The following FXYD6 variants were observed in gnomAD, a reference collection of about 807,000 sequenced individuals.
FXYD6 encodes the protein FXYD domain containing ion transport regulator 6.
In FXYD6, 7 loss-of-function variants were observed where a neutral mutation model predicts 16.7. The observed-to-expected ratio is 0.42, with a 90% confidence interval of 0.24 to 0.79. The LOEUF (loss-of-function observed/expected upper bound fraction) is 0.79. Among genes scored for constraint, FXYD6 ranks in the 30% least tolerant of loss-of-function variants. The pLI, the probability that FXYD6 is intolerant of heterozygous loss-of-function variation, is 0.28. For missense variants in FXYD6, 111 were observed against 116.2 expected, an observed-to-expected ratio of 0.95 and a Z score of 0.21; for synonymous variants, 49 against 43.0, an observed-to-expected ratio of 1.14 and a Z score of -0.54.
rs185606389 is a variant in FXYD6, at chr11:117,864,875, G to A, written c.-6+11717C>T. ...GCTGGGATTACAGACATGGGTCACC[G>A]CGTCTGGCCGAAAAATTGGACTTTA... On this transcript the variant is annotated intron_variant, in intron 1 of 7. Coordinates refer to ENST00000526014, the MANE Select transcript of FXYD6 (RefSeq NM_022003.4). Among the ~76,000 whole-genome samples the A allele has an allele frequency of 8.5e-5, 13 of 152,270 alleles. No homozygotes were observed. The East Asian group carries it at 1.5e-3, about 18-fold the overall frequency.
chr11:117,865,560 G>A (rs1217687695), intron 1 of FXYD6, among the ~76,000 whole-genome samples: 1 of 152,188 alleles, frequency 6.6e-6, no homozygotes, highest in African/African-American at 2.4e-5. Context: ...TCCAACACAT[G>A]CATGAATCTT....
chr11:117,863,360 C>T (rs753194365), intron 1 of FXYD6, among the ~76,000 whole-genome samples: 1 of 151,946 alleles, frequency 6.6e-6, no homozygotes, highest in Non-Finnish European at 1.5e-5. Flanking sequence ...AAAAACCACA[C>T]GATCATCTCA....
chr11:117,853,540 C>G (rs1201587859), intron 1 of FXYD6, among the ~76,000 whole-genome samples: 1 of 152,232 alleles, frequency 6.6e-6, no homozygotes, highest in Non-Finnish European at 1.5e-5. Flanking sequence ...CTGTGTCACT[C>G]AGGCTGGAGT....
rs1359936777 is a variant in FXYD6, at chr11:117,837,913, G to A, written c.*386C>T. The A allele has an allele frequency of 2.4e-6, 1 of 422,886 alleles. No homozygotes were observed. 26.2% of individuals were successfully genotyped at this position (422,886 alleles called of 1,614,324 possible). A position where few individuals can be genotyped will look rare whatever the true frequency, so the allele number is the denominator to read the frequency against. On this transcript the variant is annotated 3_prime_UTR_variant, in exon 8 of 8. Transcript: ENST00000526014. This position sits in a 1 kb window ranked among gnomAD's most constrained non-coding sequence, Gnocchi z 4.4. ...GCAGAAGGTGATGGAGGGCCACGGGGGCAGGGAGGAGCAGATGGCCATGTG... is the reference window on the plus strand; with the variant it reads ...GCAGAAGGTGATGGAGGGCCACGGGAGCAGGGAGGAGCAGATGGCCATGTG...
At position 117,858,691 on chromosome 11, in the gene FXYD6, CTT is replaced by C. The variant is rs1239062931; in HGVS notation, c.-5-15912_-5-15911del. Reference sequence around the variant, plus strand: ...TCTTTCTTTCTTTCTTTCTTTCTTTCTTTCTTTCTTTCTCTCTCTCTCTCCTT... The same window carrying C: ...TCTTTCTTTCTTTCTTTCTTTCTTTCTCTTTCTTTCTCTCTCTCTCTCCTT... On this transcript the variant is annotated intron_variant, in intron 1 of 7. Transcript: ENST00000526014. Among the ~76,000 whole-genome samples, 77 of 87,990 alleles carry C rather than the reference CTT, an allele frequency of 8.8e-4. 1 individual carries two copies. Among genetic ancestry groups the C allele is most frequent in the East Asian group, 4.0e-3 (8 of 1,988 alleles). The allele number at this position is 87,990 out of a possible 152,430, so 57.7% of individuals were successfully genotyped here. A position where few individuals can be genotyped will look rare whatever the true frequency, so the allele number is the denominator to read the frequency against.
intron 1 of FXYD6, among the ~76,000 whole-genome samples, chr11:117,867,996 T>A (rs910522512): frequency 6.6e-6 from 1 of 152,182 alleles, no homozygotes; most frequent in Admixed American, 6.5e-5. Context: ...GCAGCCAAGG[T>A]TAATAAATGC....
chr11:117,874,200 T>A (rs1309060320), intron 1 of FXYD6, among the ~76,000 whole-genome samples: 1 of 152,206 alleles, frequency 6.6e-6, no homozygotes, highest in East Asian at 1.9e-4. Flanking sequence ...CTCACCTTCA[T>A]GTCCCCAGCA....
chr11:117,841,645 C>T, intron 4 of FXYD6, 146 bp downstream of exon 4: 1 of 794,680 alleles, frequency 1.3e-6, no homozygotes, highest in Non-Finnish European at 2.1e-6. Flanking sequence ...GTGCCCAGCA[C>T]TCTACTGGGT....
chr11:117,858,675 CTTTCTTTCTT>C (rs2056808311), intron 1 of FXYD6, among the ~76,000 whole-genome samples: 1 of 86,156 alleles, frequency 1.2e-5, no homozygotes, highest in Admixed American at 1.4e-4. Flanking sequence ...TTCTTTCTTT[CTTTCTTTCTT>C]TCTTTCTTTC....
At chr11:117,871,463 T>C (rs1331590786) in intron 1 of FXYD6, among the ~76,000 whole-genome samples, 1 of 88,144 alleles carries the variant, frequency 1.1e-5, no homozygotes, top group Non-Finnish European at 2.2e-5. Context: ...GCGGGCGGGG[T>C]GGGAGGCGGG....
intron 1 of FXYD6, among the ~76,000 whole-genome samples, chr11:117,858,005 A>T (rs567740342): frequency 2.6e-4 from 39 of 152,258 alleles, no homozygotes; most frequent in Non-Finnish European, 3.4e-4. Flanking sequence ...AATGTGTTTT[A>T]TTTTTATGGG....
At chr11:117,846,742 A>G (rs2056479543) in intron 1 of FXYD6, among the ~76,000 whole-genome samples, 1 of 152,222 alleles carries the variant, frequency 6.6e-6, no homozygotes, top group Non-Finnish European at 1.5e-5. Context: ...TCTGTACTGC[A>G]TTAAAATTAC....
At chr11:117,866,033 C>A (rs2057006655) in intron 1 of FXYD6, among the ~76,000 whole-genome samples, 1 of 152,136 alleles carries the variant, frequency 6.6e-6, no homozygotes, top group Admixed American at 6.5e-5. Context: ...GTGAAATAAG[C>A]CAGTCACAGA....
intron 7 of FXYD6, chr11:117,839,457 T>C (rs1020300887): frequency 2.6e-5 from 10 of 382,562 alleles, no homozygotes; most frequent in African/African-American, 1.6e-4. Context: ...ATCTTTATGC[T>C]ACTTTGAGAT....
At chr11:117,876,036 C>G (rs1285540996) in intron 1 of FXYD6, among the ~76,000 whole-genome samples, 1 of 152,172 alleles carries the variant, frequency 6.6e-6, no homozygotes, top group Non-Finnish European at 1.5e-5. Context: ...GATGCACTCT[C>G]ATGAATCCCC....
At chr11:117,842,938 C>T (rs1261926313) in intron 1 of FXYD6, among the ~76,000 whole-genome samples, 157 bp from the exon 2 acceptor site, 1 of 147,070 alleles carries the variant, frequency 6.8e-6, no homozygotes, top group African/African-American at 2.5e-5. Context: ...AAGCAGTTGA[C>T]TTTTTTTTTT....
chr11:117,861,220 C>A (rs1431876400), intron 1 of FXYD6, among the ~76,000 whole-genome samples: 6 of 152,204 alleles, frequency 3.9e-5, no homozygotes, highest in Admixed American at 3.9e-4. Flanking sequence ...TGTCCCCACT[C>A]GAACCCTGCT....
At chr11:117,855,125 A>G (rs1024031857) in intron 1 of FXYD6, among the ~76,000 whole-genome samples, 1 of 152,206 alleles carries the variant, frequency 6.6e-6, no homozygotes, top group Non-Finnish European at 1.5e-5. Context: ...GAACTCAGAT[A>G]AGATGGTTGG....
At chr11:117,839,722 C>A (rs2056292264) in intron 7 of FXYD6, 59 bp downstream of exon 7, 3 of 1,606,320 alleles carry the variant, frequency 1.9e-6, no homozygotes, top group East Asian at 4.5e-5. Flanking sequence ...AACCCCTGTC[C>A]AGGCCCTGAT....
Sources: allele counts gnomAD v4.1 joint callset (sites outside exome capture counted in the v4.1 genomes callset), GRCh38; gene constraint gnomAD v4.1.1; non-coding constraint Gnocchi (gnomAD v3.1); transcripts MANE v1.5; gene names NCBI Gene and HGNC (gene_info 2026-07-23, HGNC 2026-07-21).